ARL8B: variants seen among roughly 807,000 people sequenced by gnomAD.
ARL8B encodes the protein ARF like GTPase 8B.
Under a neutral mutation model 30.6 loss-of-function variants are expected in ARL8B, and 9 were observed. The ratio of observed to expected loss-of-function variants is 0.29; its 90% confidence interval spans 0.18 to 0.51. ARL8B has a LOEUF of 0.51. Among genes scored for constraint, ARL8B ranks in the 20% least tolerant of loss-of-function variants. The pLI, the probability that ARL8B is intolerant of heterozygous loss-of-function variation, is 0.97. For synonymous variants in ARL8B, 74 were observed against 76.0 expected (o/e 0.97, Z 0.14); for missense variants, 130 against 227.2 (o/e 0.57, Z 2.75).
intron 1 of ARL8B, among the ~76,000 whole-genome samples, chr3:5,161,533 GAAGAA>G (rs989508569): frequency 2.6e-5 from 4 of 152,210 alleles, no homozygotes; most frequent in African/African-American, 9.7e-5. Flanking sequence ...GAGCAGGAAA[GAAGAA>G]AAGAAGCAAA....
intron 1 of ARL8B, among the ~76,000 whole-genome samples, chr3:5,138,190 GTT>G (rs35653002): frequency 1.4e-5 from 2 of 141,462 alleles, no homozygotes; most frequent in Admixed American, 1.4e-4. Context: ...ATTGCTCTAA[GTT>G]TTTTTTTTTT....
intron 1 of ARL8B, among the ~76,000 whole-genome samples, chr3:5,146,224 G>C (rs1256825011): frequency 6.6e-6 from 1 of 152,224 alleles, no homozygotes; most frequent in Non-Finnish European, 1.5e-5. Flanking sequence ...TGCCCAGAAT[G>C]CATCTTTTAG....
chr3:5,173,465 G>A (rs894078092), intron 4 of ARL8B, among the ~76,000 whole-genome samples: 3 of 152,316 alleles, frequency 2.0e-5, no homozygotes, highest in Non-Finnish European at 2.9e-5. Flanking sequence ...CGCCGGGCGC[G>A]GTGGCTCATG....
intron 1 of ARL8B, among the ~76,000 whole-genome samples, chr3:5,139,459 A>G (rs79866650): frequency 0.049 from 7,501 of 152,260 alleles, 286 homozygotes; most frequent in East Asian, 0.15. Context: ...GGGGTTATGG[A>G]GATGTTGTCA....
chr3:5,137,882 C>A (rs1348511162), intron 1 of ARL8B, among the ~76,000 whole-genome samples: 1 of 152,192 alleles, frequency 6.6e-6, no homozygotes, highest in African/African-American at 2.4e-5. Flanking sequence ...GCCACTGTGC[C>A]TAGCCTGGTT....
chr3:5,176,213 G>A (rs969417949), intron 6 of ARL8B, among the ~76,000 whole-genome samples: 2 of 151,810 alleles, frequency 1.3e-5, no homozygotes, highest in African/African-American at 4.8e-5. Flanking sequence ...CTTCCACCCC[G>A]CCTGCAAACA....
intron 1 of ARL8B, among the ~76,000 whole-genome samples, chr3:5,138,230 C>A (rs1476005042): frequency 2.7e-5 from 4 of 148,646 alleles, no homozygotes; most frequent in Non-Finnish European, 4.4e-5. Flanking sequence ...ACTAGCAGAG[C>A]ATCTATTTAC....
chr3:5,138,796 C>T (rs987371582), intron 1 of ARL8B, among the ~76,000 whole-genome samples: 6 of 152,162 alleles, frequency 3.9e-5, no homozygotes, highest in Admixed American at 3.3e-4. Flanking sequence ...TTATGACTGT[C>T]CATCATTTTA....
Position 5,172,186 on chromosome 3 carries a change from A to G in ARL8B, c.241A>G (p.Met81Val). The G allele has an allele frequency of 6.2e-7, 1 of 1,613,800 alleles. No homozygotes were observed. Residue 81 changes from methionine to valine, a missense_variant, in exon 3 of 7, where the codon ATG (methionine) becomes GTG (valine). Met to Val is a conservative substitution (Grantham distance 21). Transcript: ENST00000256496. ...DIGGQPRFRS[M>V]WERYCRGVNA... is the part of the protein sequence containing the mutation. ...AGGAGGACAACCCCGATTTCGAAGC[A>G]TGTGGGAGCGGTATTGCAGAGGAGT...
chr3:5,145,731 C>A (rs543784672), intron 1 of ARL8B, among the ~76,000 whole-genome samples: 3 of 152,320 alleles, frequency 2.0e-5, no homozygotes, highest in African/African-American at 7.2e-5. Flanking sequence ...GATACACAAT[C>A]TTTGTCTTTT....
In ARL8B at chr3:5,178,729, CT is replaced by C; in HGVS notation, c.*18del. ...AAGAAGCTGAAGCATCTCCTGAAGT[CT>C]TCCAGTCCTTCTTGGCTATAATCCT... On this transcript the variant is annotated 3_prime_UTR_variant, in exon 7 of 7. Transcript: ENST00000256496. The C allele has an allele frequency of 6.2e-7, 1 of 1,611,590 alleles. No individual in the cohort carries two copies. The highest frequency in any genetic ancestry group is 2.2e-5 in the East Asian group (1 of 44,848).
intron 1 of ARL8B, among the ~76,000 whole-genome samples, chr3:5,131,339 T>A (rs1318793406): frequency 6.6e-6 from 1 of 152,144 alleles, no homozygotes; most frequent in Non-Finnish European, 1.5e-5. Context: ...CCTTCATAAT[T>A]TAGCTATTTC....
chr3:5,146,820 C>T (rs904706151), intron 1 of ARL8B, among the ~76,000 whole-genome samples: 4 of 152,074 alleles, frequency 2.6e-5, no homozygotes, highest in African/African-American at 9.7e-5. Context: ...ATCCCTGATA[C>T]TGTCAATTTT....
At chr3:5,170,058 C>G (rs2054657849) in intron 1 of ARL8B, among the ~76,000 whole-genome samples, 1 of 152,146 alleles carries the variant, frequency 6.6e-6, no homozygotes, top group Non-Finnish European at 1.5e-5. Flanking sequence ...TTCTGTATGA[C>G]AAAATATTTT....
intron 1 of ARL8B, among the ~76,000 whole-genome samples, chr3:5,143,495 G>T (rs1173497633): frequency 3.3e-5 from 5 of 152,212 alleles, no homozygotes; most frequent in Non-Finnish European, 7.3e-5. Context: ...ACCTGTGCCT[G>T]AGGTCCTCCC....
At chr3:5,159,984 G>C (rs1463321458) in intron 1 of ARL8B, among the ~76,000 whole-genome samples, 1 of 152,106 alleles carries the variant, frequency 6.6e-6, no homozygotes, top group Admixed American at 6.6e-5. Flanking sequence ...ATAGTATCAA[G>C]GCCTGAAAAT....
At chr3:5,160,528 C>G (rs2054571721) in intron 1 of ARL8B, among the ~76,000 whole-genome samples, 1 of 152,128 alleles carries the variant, frequency 6.6e-6, no homozygotes, top group Admixed American at 6.5e-5. Context: ...CATTTTAATC[C>G]TCTAGGGTTG....
chr3:5,124,123 C>T lies in ARL8B; in HGVS notation c.123+1535C>T, dbSNP rs539997306. ...ACCTCATGTGATCCGCCCGACTCGGCCTCTTAAAATGCTGGGATTGCAGGT... is the reference window on the plus strand; with the variant it reads ...ACCTCATGTGATCCGCCCGACTCGGTCTCTTAAAATGCTGGGATTGCAGGT... On this transcript the variant is annotated intron_variant, in intron 1 of 6. Transcript: ENST00000256496. Among the ~76,000 whole-genome samples, 4 of 152,240 alleles carry T rather than the reference C, an allele frequency of 2.6e-5. No homozygotes were observed. In the South Asian group the frequency reaches 6.2e-4, roughly 24 times the overall value.
At chr3:5,158,196 C>A (rs1207201983) in intron 1 of ARL8B, among the ~76,000 whole-genome samples, 1 of 152,146 alleles carries the variant, frequency 6.6e-6, no homozygotes, top group Non-Finnish European at 1.5e-5. Flanking sequence ...GTTGGCCAGG[C>A]TGGTCTTGAA....
Sources: gnomAD v4.1 joint callset for allele counts (sites outside exome capture counted in the v4.1 genomes callset) on GRCh38, gnomAD v4.1.1 for gene constraint, MANE v1.5 for transcripts, NCBI Gene and HGNC (gene_info 2026-07-23, HGNC 2026-07-21) for gene names.